Variants in LPP observed in about 807,000 individuals in gnomAD.
LPP encodes lipoma-preferred partner.
In LPP, 38 loss-of-function variants were observed where a neutral mutation model predicts 60.4. The ratio of observed to expected loss-of-function variants is 0.63; its 90% CI spans 0.49 to 0.83. The LOEUF is 0.83. Among genes scored for constraint, LPP ranks in the 40% least tolerant of loss-of-function variants. The pLI, the probability that LPP is intolerant of heterozygous loss-of-function variation, is 0.00. For synonymous variants in LPP, 328 were observed against 290.8 expected (o/e 1.13, Z -1.30); for missense variants, 902 against 783.6 (o/e 1.15, Z -1.80).
chr3:188,331,697 C>T (rs1760126956), intron 2 of LPP, among the ~76,000 whole-genome samples: 1 of 152,016 alleles, frequency 6.6e-6, no homozygotes, highest in African/African-American at 2.4e-5. Flanking sequence ...GATTTTGGTC[C>T]TGATGTCCAA....
At chr3:188,623,232 A>G (rs1049081310) in intron 7 of LPP, among the ~76,000 whole-genome samples, 3 of 150,516 alleles carry the variant, frequency 2.0e-5, no homozygotes, top group Non-Finnish European at 2.9e-5. Context: ...ATTGGTTCAT[A>G]TAGCCTCAAA....
intron 9 of LPP, among the ~76,000 whole-genome samples, chr3:188,815,735 C>T (rs1029795717): frequency 3.3e-5 from 5 of 152,186 alleles, no homozygotes; most frequent in African/African-American, 1.2e-4. Context: ...CTTCCAATGG[C>T]ATTGTTACAG....
At chr3:188,231,681 C>T (rs1185218032) in intron 2 of LPP, among the ~76,000 whole-genome samples, 2 of 151,644 alleles carry the variant, frequency 1.3e-5, no homozygotes, top group African/African-American at 4.8e-5. Flanking sequence ...TCTGCAGCTC[C>T]TCTCTGTGCC....
At chr3:188,799,100 T>A (rs1746246921) in intron 9 of LPP, among the ~76,000 whole-genome samples, 1 of 152,252 alleles carries the variant, frequency 6.6e-6, no homozygotes, top group Non-Finnish European at 1.5e-5. Context: ...TTTATCATGT[T>A]CTCATTCAGC....
intron 1 of LPP, chr3:188,179,480 C>A (rs1313106422): frequency 2.2e-6 from 1 of 457,774 alleles, no homozygotes; most frequent in Non-Finnish European, 4.4e-6. Flanking sequence ...TCTGGGGCGC[C>A]CACATCTGCG....
chr3:188,450,735 A>T lies in LPP; in HGVS notation c.194-33857A>T, dbSNP rs1199084324. 1.2e-4 allele frequency among the ~76,000 whole-genome samples: 12 copies of T among 99,954 alleles called. No individual in the cohort carries two copies. The East Asian group carries it at 3.1e-3, about 26-fold the overall frequency. 65.6% of individuals were successfully genotyped at this position (99,954 alleles called of 152,430 possible). A position where few individuals can be genotyped will look rare whatever the true frequency, so the allele number is the denominator to read the frequency against. ...ACTCCAGCTTGGGTGACAAAGTGAGACTCTGTCTCAAAAAAAAAAAAAAAA... is the reference window on the plus strand; with the variant it reads ...ACTCCAGCTTGGGTGACAAAGTGAGTCTCTGTCTCAAAAAAAAAAAAAAAA... On this transcript the variant is annotated intron_variant, in intron 4 of 11. Coordinates refer to ENST00000617246, the MANE Select transcript of LPP (RefSeq NM_001375462.1).
chr3:188,728,434 T>A (rs558096196), intron 8 of LPP, among the ~76,000 whole-genome samples: 1 of 152,342 alleles, frequency 6.6e-6, no homozygotes, highest in East Asian at 1.9e-4. Context: ...GAATGCACTA[T>A]GTTATTTGAT....
chr3:188,713,005 A>G (rs1045841672), intron 8 of LPP, among the ~76,000 whole-genome samples: 1 of 152,178 alleles, frequency 6.6e-6, no homozygotes, highest in African/African-American at 2.4e-5. Flanking sequence ...TCGTATGCTT[A>G]AAAGTACTGG....
At chr3:188,398,661 T>C (rs911972390) in intron 3 of LPP, among the ~76,000 whole-genome samples, 1 of 152,240 alleles carries the variant, frequency 6.6e-6, no homozygotes, top group Non-Finnish European at 1.5e-5. Flanking sequence ...GCTGTTCAAC[T>C]AACAATTGTG....
Position 188,861,213 on chromosome 3 carries a change from A to G in LPP, c.1411-4987A>G, listed in dbSNP as rs530698027. Among the ~76,000 whole-genome samples the G allele has an allele frequency of 3.9e-5, 6 of 152,316 alleles. No individual in the cohort carries two copies. The South Asian group carries it at 1.2e-3, about 32-fold the overall frequency. Reference sequence around the variant, plus strand: ...AAGGTGAAAATTCCTGGGCTAGTGTAATCTCTAAAGACTTTTCAAGACTGA... The same window carrying G: ...AAGGTGAAAATTCCTGGGCTAGTGTGATCTCTAAAGACTTTTCAAGACTGA... On this transcript the variant is annotated intron_variant, in intron 9 of 11. Coordinates refer to ENST00000617246, the MANE Select transcript of LPP (RefSeq NM_001375462.1).
intron 9 of LPP, among the ~76,000 whole-genome samples, 162 bp downstream of exon 9, chr3:188,760,444 G>GCA (rs1731927065): frequency 1.3e-5 from 2 of 151,868 alleles, no homozygotes; most frequent in African/African-American, 4.8e-5. Context: ...GTGCGTGCGC[G>GCA]CATGTAAATT....
chr3:188,250,779 TTTCTTTC>T (rs1729041939), intron 2 of LPP, among the ~76,000 whole-genome samples: 1 of 113,572 alleles, frequency 8.8e-6, no homozygotes, highest in Non-Finnish European at 1.8e-5. Flanking sequence ...TCTTTCTTTC[TTTCTTTC>T]TGTCTTTCTC....
At chr3:188,379,061 G>C (rs1776136199) in intron 3 of LPP, among the ~76,000 whole-genome samples, 1 of 151,976 alleles carries the variant, frequency 6.6e-6, no homozygotes, top group African/African-American at 2.4e-5. Context: ...CTCCCCACTA[G>C]CCAGGCCAAG....
chr3:188,442,262 A>G (rs575958398), intron 4 of LPP, among the ~76,000 whole-genome samples: 1 of 152,138 alleles, frequency 6.6e-6, no homozygotes, highest in Non-Finnish European at 1.5e-5. Flanking sequence ...TCCTAACGCT[A>G]TCCCTCCCCC....
At chr3:188,441,876 GGCCTCCCAAGT>G in intron 4 of LPP, among the ~76,000 whole-genome samples, 1 of 151,628 alleles carries the variant, frequency 6.6e-6, no homozygotes, top group Middle Eastern at 3.4e-3. Context: ...CGCCCACCTC[GGCCTCCCAAGT>G]GCTGGGATTA....
intron 5 of LPP, among the ~76,000 whole-genome samples, chr3:188,489,220 A>G (rs1807577482): frequency 6.6e-6 from 1 of 152,200 alleles, no homozygotes; most frequent in East Asian, 1.9e-4. Flanking sequence ...AGTACTCAGA[A>G]TCACATTCGG....
chr3:188,783,770 G>A (rs13067263), intron 9 of LPP, among the ~76,000 whole-genome samples: 94,988 of 151,716 alleles, frequency 0.63, 30,178 homozygotes, highest in East Asian at 0.89. Context: ...TATTCTGCCT[G>A]CTACCAGGCC....
chr3:188,494,713 C>T (rs929496346), intron 5 of LPP, among the ~76,000 whole-genome samples: 3 of 151,936 alleles, frequency 2.0e-5, no homozygotes, highest in Admixed American at 6.6e-5. Context: ...CAGCATAATG[C>T]GATGGTTAAC....
intron 2 of LPP, among the ~76,000 whole-genome samples, chr3:188,308,473 A>G (rs1752227978): frequency 1.3e-5 from 2 of 152,244 alleles, no homozygotes; most frequent in Admixed American, 6.5e-5. Context: ...GTTACTGATA[A>G]TAAATTGCTT....
Sources: gnomAD v4.1 joint callset for allele counts (sites outside exome capture counted in the v4.1 genomes callset) on GRCh38, gnomAD v4.1.1 for gene constraint, MANE v1.5 for transcripts, NCBI Gene and HGNC (gene_info 2026-07-23, HGNC 2026-07-21) for gene names.